Variants in NEDD9 observed in about 807,000 individuals in gnomAD.
The protein encoded by NEDD9 is neural precursor cell expressed, developmentally down-regulated 9.
A neutral mutation model predicts 76.6 loss-of-function variants in NEDD9; 26 were observed. The observed-to-expected ratio is 0.34, with a 90% CI of 0.25 to 0.47. The LOEUF is 0.47. Ranked by LOEUF, NEDD9 falls within the 20% of genes least tolerant of loss-of-function variation. The pLI is 1.00. For missense variants in NEDD9, 937 were observed against 1,058.5 expected (o/e 0.89, Z 1.59); for synonymous variants, 392 against 414.2 (o/e 0.95, Z 0.65).
chr6:11,238,391 A>G (rs984289279), intron 3 of NEDD9, among the ~76,000 whole-genome samples: 1 of 152,192 alleles, frequency 6.6e-6, no homozygotes, highest in Non-Finnish European at 1.5e-5. Context: ...GAATGAATTA[A>G]TGCACTTCGT....
intron 1 of NEDD9, among the ~76,000 whole-genome samples, chr6:11,215,314 A>C (rs1367622586): frequency 6.6e-6 from 1 of 152,160 alleles, no homozygotes; most frequent in Admixed American, 6.5e-5. Flanking sequence ...AGACACAGAG[A>C]GGTGAGCGGC....
chr6:11,274,831 G>A (rs1283150261), intron 3 of NEDD9, among the ~76,000 whole-genome samples: 1 of 152,108 alleles, frequency 6.6e-6, no homozygotes, highest in African/African-American at 2.4e-5. Flanking sequence ...ATTAAAAATA[G>A]GACTACCATA....
intron 1 of NEDD9, among the ~76,000 whole-genome samples, chr6:11,340,086 C>T (rs1383609837): frequency 6.6e-6 from 1 of 152,190 alleles, no homozygotes. Context: ...GTATCTAATC[C>T]ATTCTTCAAA....
At chr6:11,194,820 T>C (rs752586153) in intron 2 of NEDD9, among the ~76,000 whole-genome samples, 2 of 152,258 alleles carry the variant, frequency 1.3e-5, no homozygotes, top group African/African-American at 4.8e-5. Flanking sequence ...ACATACTTCA[T>C]TGGTGTGCTA....
chr6:11,203,733 T>G (rs779279444), intron 2 of NEDD9, among the ~76,000 whole-genome samples: 1 of 152,094 alleles, frequency 6.6e-6, no homozygotes, highest in Admixed American at 6.5e-5. Flanking sequence ...ACTCTGGAAG[T>G]TTTTTTGGGT....
At chr6:11,364,405 G>A (rs763536075) in intron 1 of NEDD9, among the ~76,000 whole-genome samples, 5 of 152,122 alleles carry the variant, frequency 3.3e-5, no homozygotes, top group Non-Finnish European at 5.9e-5. Flanking sequence ...AATCCTGTGG[G>A]TCCTCCTAAT....
chr6:11,324,046 A>G, intron 2 of NEDD9, among the ~76,000 whole-genome samples: 1 of 152,202 alleles, frequency 6.6e-6, no homozygotes. Context: ...GTCCAGACAC[A>G]TGAAACGAAC....
intron 3 of NEDD9, among the ~76,000 whole-genome samples, chr6:11,303,470 G>A (rs1381032808): frequency 2.0e-5 from 3 of 152,000 alleles, no homozygotes; most frequent in South Asian, 2.1e-4. Flanking sequence ...CAGTGTCATC[G>A]CCATCAAGCT....
In NEDD9 at chr6:11,237,790, A is replaced by G. The variant is rs55813531; in HGVS notation, c.13-24063T>C. ...CTAGAAGTTTGCCGACCCACACTCTAGATTAGTGCAAGGTACATCTATGCC... is the reference window on the plus strand; with the variant it reads ...CTAGAAGTTTGCCGACCCACACTCTGGATTAGTGCAAGGTACATCTATGCC... On this transcript the variant is annotated intron_variant, in intron 3 of 3. Coordinates refer to the NEDD9 transcript ENST00000397378. The surrounding 1 kb of genome is among the most constrained non-coding windows in gnomAD (Gnocchi z 4.9). Among the ~76,000 whole-genome samples, 36,176 of 152,056 alleles carry G rather than the reference A, an allele frequency of 0.24. 4,609 individuals are homozygous for G. Among genetic ancestry groups the G allele is most frequent in the South Asian group, 0.39 (1,890 of 4,808 alleles).
intron 3 of NEDD9, among the ~76,000 whole-genome samples, chr6:11,272,181 A>T (rs1760323155): frequency 6.6e-6 from 1 of 152,076 alleles, no homozygotes; most frequent in East Asian, 1.9e-4. Flanking sequence ...GCAGATGAGG[A>T]TCTCTGTGTC....
rs576809184 is a variant in NEDD9 at position 11,195,721 on chromosome 6, G to A, written c.460-2029C>T. Among the ~76,000 whole-genome samples, 27 of 152,346 alleles carry A rather than the reference G, an allele frequency of 1.8e-4. No homozygotes were observed. The South Asian group carries it at 3.1e-3, about 18-fold the overall frequency. ...AAAAACAGAAGCGGGCATGTCGGGC[G>A]CAGTGGCTCATGCCTGTAATCCCAG... On this transcript the variant is annotated intron_variant, in intron 2 of 6. Coordinates refer to ENST00000379446, the MANE Select transcript of NEDD9 (RefSeq NM_006403.4).
chr6:11,292,702 T>C (rs907476793), intron 3 of NEDD9, among the ~76,000 whole-genome samples: 1 of 152,182 alleles, frequency 6.6e-6, no homozygotes, highest in Non-Finnish European at 1.5e-5. Flanking sequence ...TTTATGCATG[T>C]TTTAGTTTTG....
At chr6:11,266,090 A>G (rs1409783616) in intron 3 of NEDD9, among the ~76,000 whole-genome samples, 1 of 152,220 alleles carries the variant, frequency 6.6e-6, no homozygotes, top group Non-Finnish European at 1.5e-5. Flanking sequence ...GGTACAATGT[A>G]TATTATTCAA....
chr6:11,302,700 G>C (rs553206971), intron 3 of NEDD9, among the ~76,000 whole-genome samples: 209 of 152,242 alleles, frequency 1.4e-3, no homozygotes, highest in African/African-American at 4.5e-3. Context: ...GGGATGCAAG[G>C]CTGGTTCAAC....
At chr6:11,313,667 C>A (rs1761452704) in intron 2 of NEDD9, among the ~76,000 whole-genome samples, 1 of 152,138 alleles carries the variant, frequency 6.6e-6, no homozygotes, top group Admixed American at 6.5e-5. Flanking sequence ...ATCCTATGTT[C>A]CTACCCTCAC....
At chr6:11,299,941 A>C (rs1222012935) in intron 3 of NEDD9, among the ~76,000 whole-genome samples, 1 of 152,214 alleles carries the variant, frequency 6.6e-6, no homozygotes, top group Non-Finnish European at 1.5e-5. Flanking sequence ...AAAAAAACAG[A>C]GTGCCTCTTC....
intron 5 of NEDD9, 132 bp from the exon 6 acceptor site, chr6:11,188,439 C>T: frequency 1.3e-6 from 1 of 791,584 alleles, no homozygotes; most frequent in Non-Finnish European, 2.1e-6. Flanking sequence ...CCCAGTGAGG[C>T]ACTGTGAACC....
chr6:11,203,984 A>AAC (rs1758528001), intron 2 of NEDD9, among the ~76,000 whole-genome samples: 1 of 152,042 alleles, frequency 6.6e-6, no homozygotes, highest in Non-Finnish European at 1.5e-5. Flanking sequence ...TTAAAAAAAA[A>AAC]AAAACTCTTG....
At chr6:11,214,194 G>A (rs1424166116) in intron 1 of NEDD9, 3 of 518,702 alleles carry the variant, frequency 5.8e-6, no homozygotes, top group Non-Finnish European at 1.2e-5. Flanking sequence ...AGTACAAATA[G>A]CATTTATATT....
Sources: allele counts gnomAD v4.1 joint callset (sites outside exome capture counted in the v4.1 genomes callset), GRCh38; gene constraint gnomAD v4.1.1; non-coding constraint Gnocchi (gnomAD v3.1); transcripts MANE v1.5; gene names NCBI Gene and HGNC (gene_info 2026-07-23, HGNC 2026-07-21).